The following IMMP2L variants were observed in gnomAD, a reference collection of about 807,000 sequenced individuals.
IMMP2L encodes inner mitochondrial membrane peptidase subunit 2, also known as mitochondrial inner membrane protease subunit 2.
A neutral mutation model predicts 19.3 loss-of-function variants in IMMP2L; 18 were observed. That is an observed-to-expected ratio of 0.93 (90% CI 0.64 to 1.38). The LOEUF (loss-of-function observed/expected upper bound fraction) is 1.38. Ranked by LOEUF, IMMP2L falls within the 40% of genes most tolerant of loss-of-function variation. The probability of loss-of-function intolerance (pLI) is 0.00; values close to 1 mark genes in which losing one functional copy is unlikely to be tolerated. For missense variants in IMMP2L, 233 were observed against 218.2 expected (o/e 1.07, Z -0.43); for synonymous variants, 76 against 73.0 (o/e 1.04, Z -0.21).
At chr7:111,302,777 T>C (rs755945740) in intron 3 of IMMP2L, among the ~76,000 whole-genome samples, 37 of 152,138 alleles carry the variant, frequency 2.4e-4, no homozygotes, top group African/African-American at 5.6e-4. Flanking sequence ...TGGTGACTTA[T>C]AGTTTAAGTT....
At chr7:111,314,167 A>G (rs186803759) in intron 3 of IMMP2L, among the ~76,000 whole-genome samples, 1 of 152,218 alleles carries the variant, frequency 6.6e-6, no homozygotes, top group Admixed American at 6.5e-5. Context: ...GTATTTCTCT[A>G]TAGCAATGTG....
chr7:111,550,102 A>G (rs982104830), intron 1 of IMMP2L, among the ~76,000 whole-genome samples: 13 of 152,142 alleles, frequency 8.5e-5, no homozygotes, highest in African/African-American at 2.7e-4. Flanking sequence ...CACTAAAAAA[A>G]ACTCTTATTC....
intron 3 of IMMP2L, among the ~76,000 whole-genome samples, chr7:111,454,438 C>A (rs1839505896): frequency 6.6e-6 from 1 of 152,038 alleles, no homozygotes; most frequent in Non-Finnish European, 1.5e-5. Flanking sequence ...TTTTCCATTT[C>A]TCCATATTTA....
At chr7:110,829,417 C>T (rs1803770311) in intron 5 of IMMP2L, among the ~76,000 whole-genome samples, 1 of 152,106 alleles carries the variant, frequency 6.6e-6, no homozygotes, top group Non-Finnish European at 1.5e-5. Context: ...GCTCAATTTA[C>T]CTAATTTTTC....
intron 3 of IMMP2L, among the ~76,000 whole-genome samples, chr7:111,119,321 G>A (rs184224220): frequency 3.3e-5 from 5 of 152,072 alleles, no homozygotes; most frequent in African/African-American, 4.8e-5. Flanking sequence ...GCATGCATAC[G>A]GAATTGTAAC....
intron 4 of IMMP2L, among the ~76,000 whole-genome samples, chr7:110,909,041 T>G (rs1812767774): frequency 6.6e-6 from 1 of 152,066 alleles, no homozygotes; most frequent in Non-Finnish European, 1.5e-5. Context: ...TGACCTAGTC[T>G]GAGATAGTGG....
At chr7:111,322,870 T>C (rs1824884745) in intron 3 of IMMP2L, among the ~76,000 whole-genome samples, 1 of 151,780 alleles carries the variant, frequency 6.6e-6, no homozygotes, top group South Asian at 2.1e-4. Context: ...AATGCATCTA[T>C]ATTTTATATC....
intron 4 of IMMP2L, among the ~76,000 whole-genome samples, chr7:110,959,566 T>A (rs17158187): frequency 0.023 from 3,461 of 152,010 alleles, 119 homozygotes; most frequent in African/African-American, 0.079. Context: ...GATCTTCAGG[T>A]GCCAAAGTTT....
At chr7:111,259,020 G>A (rs140108535) in intron 3 of IMMP2L, among the ~76,000 whole-genome samples, 147 of 152,052 alleles carry the variant, frequency 9.7e-4, no homozygotes, top group Non-Finnish European at 1.7e-3. Flanking sequence ...TTGCTCCTAG[G>A]CTACAAACCT....
chr7:111,471,947 G>A (rs1039897516), intron 3 of IMMP2L, among the ~76,000 whole-genome samples: 1 of 151,994 alleles, frequency 6.6e-6, no homozygotes, highest in Non-Finnish European at 1.5e-5. Flanking sequence ...ACAAAACCCA[G>A]ACTAGAACCT....
At chr7:111,422,594 T>G (rs1294153230) in intron 3 of IMMP2L, among the ~76,000 whole-genome samples, 1 of 151,892 alleles carries the variant, frequency 6.6e-6, no homozygotes, top group Non-Finnish European at 1.5e-5. Context: ...CTGAAGTTGC[T>G]TATCAGCTTA....
At chr7:111,228,433 G>A (rs185410599) in intron 3 of IMMP2L, among the ~76,000 whole-genome samples, 1 of 150,896 alleles carries the variant, frequency 6.6e-6, no homozygotes, top group East Asian at 1.9e-4. Context: ...AAAATCAAAG[G>A]TGTCAAATCT....
At chr7:111,445,601 A>G (rs1226757473) in intron 3 of IMMP2L, among the ~76,000 whole-genome samples, 1 of 152,186 alleles carries the variant, frequency 6.6e-6, no homozygotes, top group Non-Finnish European at 1.5e-5. Context: ...TCTCAAATAT[A>G]TTCTAACGTT....
intron 1 of IMMP2L, among the ~76,000 whole-genome samples, chr7:111,524,333 T>C (rs138879249): frequency 1.3e-5 from 2 of 152,136 alleles, no homozygotes; most frequent in East Asian, 1.9e-4. Context: ...AATGCTCCCA[T>C]GTACATAGGA....
chr7:111,027,955 C>G (rs1470443458), intron 3 of IMMP2L, among the ~76,000 whole-genome samples: 1 of 151,702 alleles, frequency 6.6e-6, no homozygotes, highest in Non-Finnish European at 1.5e-5. Flanking sequence ...AAATGAAAGG[C>G]AAAAGCAAAT....
intron 4 of IMMP2L, among the ~76,000 whole-genome samples, chr7:110,932,780 C>T (rs1404497395): frequency 4.6e-5 from 7 of 152,190 alleles, no homozygotes; most frequent in Admixed American, 2.6e-4. Flanking sequence ...TACTGAGGTA[C>T]TCCCTATGGG....
intron 3 of IMMP2L, among the ~76,000 whole-genome samples, chr7:111,223,892 A>T (rs1412562197): frequency 1.3e-5 from 2 of 152,164 alleles, no homozygotes; most frequent in Non-Finnish European, 2.9e-5. Context: ...TTTTTATCTA[A>T]GTCAACAGCC....
chr7:111,124,631 A>C, intron 3 of IMMP2L: 1 of 1,614,040 alleles, frequency 6.2e-7, no homozygotes, highest in Non-Finnish European at 8.5e-7. Context: ...GATCAAAAAG[A>C]GTATGAAAAG....
At chr7:111,179,962 G>A (rs1344708413) in intron 3 of IMMP2L, among the ~76,000 whole-genome samples, 2 of 151,708 alleles carry the variant, frequency 1.3e-5, no homozygotes, top group African/African-American at 2.4e-5. Context: ...CACCTCTTTC[G>A]GGCTTCACAG....
Sources: gnomAD v4.1 joint callset for allele counts (sites outside exome capture counted in the v4.1 genomes callset) on GRCh38, gnomAD v4.1.1 for gene constraint, MANE v1.5 for transcripts, NCBI Gene and HGNC (gene_info 2026-07-23, HGNC 2026-07-21) for gene names.